PKIB: variants seen among roughly 807,000 people sequenced by gnomAD.
The protein encoded by PKIB is PKI-beta.
A neutral mutation model predicts 4.5 loss-of-function variants in PKIB; 2 were observed. The observed-to-expected ratio is 0.44, with a 90% CI of 0.18 to 1.39. The LOEUF is 1.39. Ranked by LOEUF, PKIB falls within the 40% of genes most tolerant of loss-of-function variation. The probability of loss-of-function intolerance (pLI) is 0.27; values close to 1 mark genes in which losing one functional copy is unlikely to be tolerated. For missense variants in PKIB, 94 were observed against 92.6 expected, an observed-to-expected ratio of 1.02 and a Z score of -0.06; for synonymous variants, 38 against 36.0, an observed-to-expected ratio of 1.06 and a Z score of -0.20.
At chr6:122,601,819 C>T (rs570733566) in intron 3 of PKIB, among the ~76,000 whole-genome samples, 212 of 152,206 alleles carry the variant, frequency 1.4e-3, no homozygotes, top group Middle Eastern at 6.8e-3. Flanking sequence ...AATAAGGCTT[C>T]TGGACAACAG....
At chr6:122,530,828 A>C (rs1340667511) in intron 2 of PKIB, among the ~76,000 whole-genome samples, 4 of 152,212 alleles carry the variant, frequency 2.6e-5, no homozygotes, top group African/African-American at 7.2e-5. Context: ...ATGGGAGAGG[A>C]GTTCTTTCTA....
chr6:122,597,243 G>A (rs1562264144), intron 3 of PKIB, among the ~76,000 whole-genome samples: 1 of 152,204 alleles, frequency 6.6e-6, no homozygotes, highest in African/African-American at 2.4e-5. Context: ...TCTTGTAGAA[G>A]CGAAAAGTGA....
intron 2 of PKIB, among the ~76,000 whole-genome samples, chr6:122,572,947 C>G (rs1773413824): frequency 6.6e-6 from 1 of 152,072 alleles, no homozygotes. Flanking sequence ...CCTGAACAGA[C>G]CAGTAACAAG....
At chr6:122,641,326 T>C (rs1032573513) in intron 2 of PKIB, among the ~76,000 whole-genome samples, 2 of 152,182 alleles carry the variant, frequency 1.3e-5, no homozygotes, top group African/African-American at 4.8e-5. Context: ...GCTATTCACA[T>C]CTAGTGGCCT....
intron 2 of PKIB, among the ~76,000 whole-genome samples, chr6:122,516,158 C>A (rs1265258473): frequency 6.6e-6 from 1 of 152,178 alleles, no homozygotes. Flanking sequence ...AAAGAGCACA[C>A]ACGTAACTAC....
chr6:122,537,515 A>C (rs954492409), intron 2 of PKIB, among the ~76,000 whole-genome samples: 4 of 151,962 alleles, frequency 2.6e-5, no homozygotes, highest in Admixed American at 2.6e-4. Flanking sequence ...TGAACTCATC[A>C]TTTTTTATGG....
intron 3 of PKIB, among the ~76,000 whole-genome samples, chr6:122,687,130 G>C (rs1417768023): frequency 6.6e-6 from 1 of 152,026 alleles, no homozygotes; most frequent in Non-Finnish European, 1.5e-5. Context: ...ATTCATTTTG[G>C]TTTGATTTTT....
Position 122,677,257 on chromosome 6 carries a change from T to C in PKIB, c.-9+2113T>C, listed in dbSNP as rs191149967. On this transcript the variant is annotated intron_variant, in intron 3 of 4. Coordinates refer to ENST00000368452, the MANE Select transcript of PKIB (RefSeq NM_181795.3). ...TGTAAAAAATACACATTTCTAGGGC[T>C]CTATCTTGGAGCTCCTGATTTAGCA... is the stretch of plus-strand genomic sequence containing the variant. Among the ~76,000 whole-genome samples, 134 of 152,314 alleles carry C rather than the reference T, an allele frequency of 8.8e-4. No individual in the cohort carries two copies. In the East Asian group the frequency reaches 0.022, roughly 25 times the overall value.
chr6:122,703,735 T>C (rs1279311707), intron 3 of PKIB, among the ~76,000 whole-genome samples: 2 of 151,026 alleles, frequency 1.3e-5, no homozygotes, highest in Non-Finnish European at 1.5e-5. Context: ...ATGTAGAGCG[T>C]TTTTGCCATT....
chr6:122,577,273 G>C (rs910004030), intron 2 of PKIB, among the ~76,000 whole-genome samples: 1 of 152,048 alleles, frequency 6.6e-6, no homozygotes, highest in Non-Finnish European at 1.5e-5. Context: ...TTACTTTTAA[G>C]TTAAAAAAAA....
At chr6:122,570,423 C>A (rs900450556) in intron 2 of PKIB, among the ~76,000 whole-genome samples, 2 of 152,202 alleles carry the variant, frequency 1.3e-5, no homozygotes, top group Non-Finnish European at 2.9e-5. Context: ...CCCCTACTAA[C>A]CTGAAGCCTG....
chr6:122,635,554 A>C (rs1775885697), intron 2 of PKIB, among the ~76,000 whole-genome samples: 1 of 151,534 alleles, frequency 6.6e-6, no homozygotes, highest in Non-Finnish European at 1.5e-5. Flanking sequence ...AAGTAAAAAA[A>C]AAAAAAAACT....
At chr6:122,526,610 G>A (rs1777098075) in intron 2 of PKIB, among the ~76,000 whole-genome samples, 1 of 151,962 alleles carries the variant, frequency 6.6e-6, no homozygotes, top group Non-Finnish European at 1.5e-5. Flanking sequence ...TGATCAGTGG[G>A]TCTCAACAAT....
At position 122,683,569 on chromosome 6, in the gene PKIB, A is replaced by G. The variant is rs375148494; in HGVS notation, c.-9+8425A>G. The stretch of plus-strand genomic sequence containing the variant: ...CAAATTACATCAGACGTCAATGAGT[A>G]CAACTTTGAAATCACATCAATAAGG... On this transcript the variant is annotated intron_variant, in intron 3 of 4. Transcript: ENST00000368452. 3.3e-5 allele frequency among the ~76,000 whole-genome samples: 5 copies of G among 152,194 alleles called. No homozygotes were observed. In the East Asian group the frequency reaches 5.8e-4, roughly 18 times the overall value.
intron 3 of PKIB, among the ~76,000 whole-genome samples, chr6:122,709,964 A>G (rs1039664080): frequency 6.6e-6 from 1 of 152,160 alleles, no homozygotes; most frequent in African/African-American, 2.4e-5. Flanking sequence ...TTTGATGTTA[A>G]CAAAACAAAA....
Position 122,507,562 on chromosome 6 carries a change from C to G in PKIB, c.-248+29623C>G, listed in dbSNP as rs553773093. On this transcript the variant is annotated intron_variant, in intron 2 of 6. Coordinates refer to the PKIB transcript ENST00000392491. ...GTCCATCATTTGATTTGTTTTCAAG[C>G]TGGTGGGCTCATTTGATGGGTTTTG... Among the ~76,000 whole-genome samples the G allele has an allele frequency of 2.0e-5, 3 of 149,288 alleles. No individual in the cohort carries two copies. In the South Asian group the frequency reaches 6.4e-4, roughly 32 times the overall value.
intron 2 of PKIB, among the ~76,000 whole-genome samples, chr6:122,585,105 G>A (rs1262182641): frequency 6.6e-6 from 1 of 152,038 alleles, no homozygotes; most frequent in Non-Finnish European, 1.5e-5. Context: ...GCTATTCTGG[G>A]CACACTGCAT....
intron 3 of PKIB, among the ~76,000 whole-genome samples, chr6:122,687,237 T>TA (rs1346115567): frequency 6.6e-6 from 1 of 152,210 alleles, no homozygotes; most frequent in East Asian, 1.9e-4. Flanking sequence ...TTTTCCTTAG[T>TA]ATATGTTCTT....
At chr6:122,542,876 C>T (rs984188753) in intron 2 of PKIB, among the ~76,000 whole-genome samples, 2 of 152,146 alleles carry the variant, frequency 1.3e-5, no homozygotes, top group Non-Finnish European at 2.9e-5. Context: ...CCAATTCGAG[C>T]TTCCTGGCTG....
Sources: allele counts gnomAD v4.1 joint callset (sites outside exome capture counted in the v4.1 genomes callset), GRCh38; gene constraint gnomAD v4.1.1; transcripts MANE v1.5; gene names NCBI Gene and HGNC (gene_info 2026-07-23, HGNC 2026-07-21).